NETO2: variants seen among roughly 807,000 people sequenced by gnomAD.
NETO2 encodes the protein neuropilin and tolloid-like protein 2.
NETO2 carries 28 observed loss-of-function variants against 62.5 expected under a neutral mutation model. That is an observed-to-expected ratio of 0.45 (90% CI 0.33 to 0.61). The LOEUF is 0.61. NETO2 is among the 20% of genes least tolerant of loss of function. The probability of loss-of-function intolerance (pLI) is 0.02; values close to 1 mark genes in which losing one functional copy is unlikely to be tolerated. For missense variants in NETO2, 548 were observed against 643.2 expected (o/e 0.85, Z 1.60); for synonymous variants, 214 against 219.1 (o/e 0.98, Z 0.21).
At chr16:47,094,263 A>AT (rs35543379) in intron 7 of NETO2, among the ~76,000 whole-genome samples, 126,152 of 137,766 alleles carry the variant, frequency 0.92, 58,270 homozygotes, top group Non-Finnish European at 0.97. Context: ...TATCACTTGG[A>AT]TTTTTTTTTT....
intron 1 of NETO2, among the ~76,000 whole-genome samples, chr16:47,137,009 C>A (rs990282374): frequency 6.6e-6 from 1 of 152,100 alleles, no homozygotes; most frequent in Non-Finnish European, 1.5e-5. Flanking sequence ...TACAAACATA[C>A]AAACATACAT....
chr16:47,143,428 C>A (rs1964506357), intron 1 of NETO2, 151 bp downstream of exon 1: 9 of 981,006 alleles, frequency 9.2e-6, no homozygotes, highest in African/African-American at 1.7e-5. Context: ...GCTCGCGCCC[C>A]GCGGTCCGCT....
At chr16:47,143,505 G>A (rs1964508988) in intron 1 of NETO2, 74 bp downstream of exon 1, 3 of 1,212,422 alleles carry the variant, frequency 2.5e-6, no homozygotes, top group Non-Finnish European at 3.1e-6. Context: ...AAGGGACGCA[G>A]AGGCGCGGGC....
At chr16:47,101,643 TAGAC>T (rs1362404161) in intron 7 of NETO2, among the ~76,000 whole-genome samples, 14 of 150,998 alleles carry the variant, frequency 9.3e-5, no homozygotes, top group South Asian at 4.2e-4. Context: ...ACACCAATAA[TAGAC>T]AGAGAGCCAA....
In NETO2 at chr16:47,083,310, C is replaced by G; in HGVS notation, c.1489G>C (p.Glu497Gln). The change falls in exon 9 of 9, where the codon GAA becomes CAA. Residue 497 changes from glutamate (E) to glutamine (Q), a missense_variant. By Grantham distance (29) the Glu-to-Gln change is conservative. Coordinates refer to ENST00000562435, the MANE Select transcript of NETO2 (RefSeq NM_018092.5). ...QGHECPEQAL[E>Q]DRVMEEIPCE... The stretch of plus-strand genomic sequence containing the variant: ...GGAATCTCCTCCATTACTCGGTCTT[C>G]CAGGGCCTGCTCAGGGCACTCATGT... 6.2e-7 allele frequency: 1 copy of G among 1,614,226 alleles called. No individual in the cohort carries two copies. The highest frequency in any genetic ancestry group is 8.5e-7 in the Non-Finnish European group (1 of 1,180,042).
At chr16:47,131,089 G>T (rs79449397) in intron 2 of NETO2, among the ~76,000 whole-genome samples, 2 of 148,472 alleles carry the variant, frequency 1.3e-5, no homozygotes, top group Admixed American at 6.7e-5. Flanking sequence ...AAAAAAAAAA[G>T]ATTTCCTAAA....
chr16:47,088,663 A>G (rs1439520464), intron 7 of NETO2, among the ~76,000 whole-genome samples: 1 of 152,126 alleles, frequency 6.6e-6, no homozygotes, highest in African/African-American at 2.4e-5. Flanking sequence ...TAATAAATAT[A>G]TAATAAACAT....
chr16:47,113,477 T>C (rs947618323), intron 6 of NETO2, among the ~76,000 whole-genome samples: 2 of 152,194 alleles, frequency 1.3e-5, no homozygotes, highest in African/African-American at 4.8e-5. Context: ...CCTTTGAGTC[T>C]AGCTCATTTT....
chr16:47,125,390 G>T (rs1964135845), intron 4 of NETO2, among the ~76,000 whole-genome samples: 1 of 151,074 alleles, frequency 6.6e-6, no homozygotes. Flanking sequence ...CTGTTGCCCA[G>T]GCTGGAGTAC....
At chr16:47,108,702 C>A (rs1290393287) in intron 7 of NETO2, among the ~76,000 whole-genome samples, 1 of 152,160 alleles carries the variant, frequency 6.6e-6, no homozygotes. Flanking sequence ...ATGTGGGAAA[C>A]TGGATCATAA....
chr16:47,133,780 G>T (rs1359876071), intron 1 of NETO2, among the ~76,000 whole-genome samples: 2 of 152,190 alleles, frequency 1.3e-5, no homozygotes, highest in Non-Finnish European at 2.9e-5. Flanking sequence ...AGTTGGGTGA[G>T]ATCTGATTGT....
intron 6 of NETO2, among the ~76,000 whole-genome samples, chr16:47,113,359 A>G (rs1963841274): frequency 6.6e-6 from 1 of 152,288 alleles, no homozygotes; most frequent in African/African-American, 2.4e-5. Flanking sequence ...GTCACTGTGC[A>G]GTCAAAATCC....
Position 47,083,358 on chromosome 16 carries a change from T to C in NETO2, c.1441A>G (p.Ser481Gly), listed in dbSNP as rs762365599. 1.9e-6 allele frequency: 3 copies of C among 1,614,228 alleles called. No homozygotes were observed. Among genetic ancestry groups the C allele is most frequent in the Non-Finnish European group, 2.5e-6 (3 of 1,180,044 alleles). The change falls in exon 9 of 9, where the codon AGT becomes GGT. Residue 481 changes from serine to glycine, a missense_variant. Transcript: ENST00000562435. ...MKTFNSTFKKSSYTFKQGHEC... is the reference protein window; with the variant it reads ...MKTFNSTFKKGSYTFKQGHEC... ...TGTCCCTGTTTGAAAGTGTAACTACTTTTCTTGAAGGTGCTATTAAATGTT... is the reference window on the plus strand; with the variant it reads ...TGTCCCTGTTTGAAAGTGTAACTACCTTTCTTGAAGGTGCTATTAAATGTT...
At chr16:47,121,778 G>A (rs1042086353) in intron 6 of NETO2, among the ~76,000 whole-genome samples, 2 of 152,052 alleles carry the variant, frequency 1.3e-5, no homozygotes, top group Non-Finnish European at 2.9e-5. Context: ...AGTCAGCCAG[G>A]GGCATCTGTA....
intron 1 of NETO2, among the ~76,000 whole-genome samples, chr16:47,133,373 C>T (rs1247897353): frequency 6.6e-6 from 1 of 150,698 alleles, no homozygotes; most frequent in East Asian, 1.9e-4. Context: ...CCCAGGAGTT[C>T]CAGAGGCCCT....
chr16:47,109,002 TGAGA>T (rs879592669), intron 7 of NETO2, among the ~76,000 whole-genome samples: 1 of 152,216 alleles, frequency 6.6e-6, no homozygotes, highest in Non-Finnish European at 1.5e-5. Context: ...TAGAAAATCT[TGAGA>T]GAAAGTATAA....
intron 2 of NETO2, among the ~76,000 whole-genome samples, chr16:47,130,424 G>C (rs187033878): frequency 1.6e-4 from 25 of 151,582 alleles, no homozygotes; most frequent in Admixed American, 5.3e-4. Flanking sequence ...CCAGACATTG[G>C]AGGAAAATCT....
chr16:47,085,832 G>A (rs972715819), intron 8 of NETO2, among the ~76,000 whole-genome samples: 2 of 151,842 alleles, frequency 1.3e-5, no homozygotes, highest in African/African-American at 2.4e-5. Context: ...TAGGCTGGGC[G>A]CGGTGGCTCA....
chr16:47,139,771 C>T (rs541335697), intron 1 of NETO2, among the ~76,000 whole-genome samples: 1 of 152,222 alleles, frequency 6.6e-6, no homozygotes, highest in East Asian at 1.9e-4. Context: ...GAAAGAGTAA[C>T]TCTATAGCAG....
Sources: gnomAD v4.1 joint callset for allele counts (sites outside exome capture counted in the v4.1 genomes callset) on GRCh38, gnomAD v4.1.1 for gene constraint, MANE v1.5 for transcripts, NCBI Gene and HGNC (gene_info 2026-07-23, HGNC 2026-07-21) for gene names.